The following KIAA1328 variants were observed in gnomAD, a reference collection of about 807,000 sequenced individuals.
KIAA1328 encodes the protein protein hinderin.
In KIAA1328, 52 loss-of-function variants were observed where a neutral mutation model predicts 68.1. The ratio of observed to expected loss-of-function variants is 0.76; its 90% CI spans 0.61 to 0.96. The LOEUF (loss-of-function observed/expected upper bound fraction) is 0.96. Ranked by LOEUF, KIAA1328 falls within the 40% of genes least tolerant of loss-of-function variation. The pLI is 0.00. For synonymous variants in KIAA1328, 232 were observed against 239.4 expected (o/e 0.97, Z 0.28); for missense variants, 641 against 677.6 (o/e 0.95, Z 0.60).
intron 4 of KIAA1328, among the ~76,000 whole-genome samples, chr18:36,863,748 T>C (rs948710799): frequency 1.3e-5 from 2 of 152,204 alleles, no homozygotes; most frequent in African/African-American, 4.8e-5. Context: ...TATATCTAAG[T>C]ATTTAATTTT....
chr18:37,063,506 C>T (rs902194987), intron 6 of KIAA1328: 1 of 260,330 alleles, frequency 3.8e-6, no homozygotes, highest in Non-Finnish European at 6.0e-6. Context: ...GATTTATATC[C>T]TGTCATATTC....
chr18:37,098,079 T>A (rs988565075), intron 7 of KIAA1328, among the ~76,000 whole-genome samples: 3 of 152,210 alleles, frequency 2.0e-5, no homozygotes, highest in Non-Finnish European at 2.9e-5. Context: ...TTCTCGTGCC[T>A]GATTGCTCTG....
At chr18:37,151,508 T>C (rs1351618325) in intron 7 of KIAA1328, among the ~76,000 whole-genome samples, 7 of 152,292 alleles carry the variant, frequency 4.6e-5, no homozygotes, top group East Asian at 1.9e-4. Flanking sequence ...GAAGGACTTA[T>C]GCTACCTAAT....
chr18:36,839,824 T>C (rs1301940168), intron 3 of KIAA1328, among the ~76,000 whole-genome samples: 3 of 152,260 alleles, frequency 2.0e-5, no homozygotes, highest in South Asian at 4.2e-4. Context: ...AATTACAAGG[T>C]TTTCCCCTCT....
chr18:36,920,885 T>C (rs2049893274), intron 5 of KIAA1328, among the ~76,000 whole-genome samples: 2 of 152,148 alleles, frequency 1.3e-5, no homozygotes, highest in Admixed American at 6.5e-5. Context: ...CTTTCCCCTC[T>C]CTAGTACTCT....
chr18:37,230,222 C>G (rs1419957898), downstream of KIAA1328: 1 of 152,242 alleles, frequency 6.6e-6, no homozygotes, highest in African/African-American at 2.4e-5. Flanking sequence ...TGGATTAAAG[C>G]ATTAGTTAGT....
At chr18:37,032,229 G>A (rs1171701255) in intron 6 of KIAA1328, among the ~76,000 whole-genome samples, 1 of 152,122 alleles carries the variant, frequency 6.6e-6, no homozygotes, top group East Asian at 1.9e-4. Flanking sequence ...CATGTGTGAT[G>A]TCTAATGTAT....
intron 5 of KIAA1328, among the ~76,000 whole-genome samples, chr18:36,943,792 C>G (rs1231230200): frequency 6.6e-6 from 1 of 152,148 alleles, no homozygotes; most frequent in Non-Finnish European, 1.5e-5. Context: ...GTTATCCTAA[C>G]TTAATTCATT....
intron 9 of KIAA1328, among the ~76,000 whole-genome samples, chr18:37,195,084 T>C (rs2154218217): frequency 6.6e-6 from 1 of 152,288 alleles, no homozygotes. Flanking sequence ...ACCTCAAACA[T>C]TTATCTCTTC....
At chr18:36,927,441 C>T (rs1334850965) in intron 5 of KIAA1328, among the ~76,000 whole-genome samples, 1 of 152,180 alleles carries the variant, frequency 6.6e-6, no homozygotes, top group Non-Finnish European at 1.5e-5. Flanking sequence ...TGATTATTTT[C>T]ACTGTGCTTT....
chr18:36,838,049 G>A (rs2046739638), intron 3 of KIAA1328, among the ~76,000 whole-genome samples: 1 of 152,100 alleles, frequency 6.6e-6, no homozygotes. Context: ...TATAGAATCA[G>A]CAAATGTTTT....
rs1392914524 is a variant in KIAA1328, at chr18:36,981,941, A to G, written c.576+22506A>G. On this transcript the variant is annotated intron_variant, in intron 6 of 9. Coordinates refer to ENST00000280020, the MANE Select transcript of KIAA1328 (RefSeq NM_020776.3). ...TCATTCTGTCTAATAACAAAAATAC[A>G]CTGGATCGGATTAATGGGAGATTAG... 2.6e-5 allele frequency among the ~76,000 whole-genome samples: 4 copies of G among 151,510 alleles called. No homozygotes were observed. In the South Asian group the frequency reaches 8.3e-4, roughly 32 times the overall value.
rs1468749206 is a variant in KIAA1328, at chr18:37,224,718, C to G, written c.*2491C>G. On this transcript the variant is annotated 3_prime_UTR_variant, in exon 10 of 10. Coordinates refer to ENST00000280020, the MANE Select transcript of KIAA1328 (RefSeq NM_020776.3). ...CTGCCTTTCCTCCGTCTCAAGTCTC[C>G]CACCCTTGACTGGTTGGGATTTGCT... The G allele has an allele frequency of 1.0e-6, 1 of 985,282 alleles. No homozygotes were observed. Among genetic ancestry groups the G allele is most frequent in the Non-Finnish European group, 1.2e-6 (1 of 829,942 alleles). The allele number at this position is 985,282 out of a possible 1,614,324, so 61.0% of individuals were successfully genotyped here. A position where few individuals can be genotyped will look rare whatever the true frequency, so the allele number is the denominator to read the frequency against.
chr18:36,911,538 G>T (rs1306727816), intron 5 of KIAA1328, among the ~76,000 whole-genome samples: 5 of 152,210 alleles, frequency 3.3e-5, no homozygotes, highest in African/African-American at 1.2e-4. Flanking sequence ...AGCATTCCAT[G>T]TAGAGTACCT....
chr18:36,980,080 A>C (rs1218236885), intron 6 of KIAA1328, among the ~76,000 whole-genome samples: 2 of 152,198 alleles, frequency 1.3e-5, no homozygotes, highest in Admixed American at 1.3e-4. Context: ...TGGAGGCAGC[A>C]TTCAAAGTGC....
intron 5 of KIAA1328, among the ~76,000 whole-genome samples, chr18:36,934,279 T>G (rs1203407712): frequency 6.6e-6 from 1 of 152,200 alleles, no homozygotes; most frequent in Non-Finnish European, 1.5e-5. Context: ...CAGAGTATGT[T>G]TGTTTACTCC....
At chr18:37,069,432 A>G (rs1029712501) in intron 7 of KIAA1328, among the ~76,000 whole-genome samples, 2 of 151,762 alleles carry the variant, frequency 1.3e-5, no homozygotes, top group African/African-American at 4.8e-5. Context: ...GCCTATTTAC[A>G]TTAGTTTTGA....
chr18:37,053,398 G>A (rs2055780994), intron 6 of KIAA1328, among the ~76,000 whole-genome samples: 1 of 151,926 alleles, frequency 6.6e-6, no homozygotes, highest in Admixed American at 6.6e-5. Context: ...AGAAAATATA[G>A]GAAAAACACA....
At chr18:36,834,166 A>C (rs1361238542) in intron 1 of KIAA1328, 154 bp from the exon 2 acceptor site, 3 of 1,160,158 alleles carry the variant, frequency 2.6e-6, no homozygotes, top group Non-Finnish European at 3.3e-6. Flanking sequence ...TTTGTTTTTA[A>C]TTCAATTACT....
Sources: allele counts gnomAD v4.1 joint callset (sites outside exome capture counted in the v4.1 genomes callset), GRCh38; gene constraint gnomAD v4.1.1; transcripts MANE v1.5; gene names NCBI Gene and HGNC (gene_info 2026-07-23, HGNC 2026-07-21).